The following CEP112 variants were observed in gnomAD, a reference collection of about 807,000 sequenced individuals.
The protein encoded by CEP112 is centrosomal protein of 112 kDa.
Under a neutral mutation model 153.0 loss-of-function variants are expected in CEP112, and 127 were observed. The ratio of observed to expected loss-of-function variants is 0.83; its 90% CI spans 0.72 to 0.96. CEP112 has a LOEUF of 0.96. Among genes scored for constraint, CEP112 ranks in the 40% least tolerant of loss-of-function variants. The pLI is 0.00. For missense variants in CEP112, 1,089 were observed against 1,101.2 expected (o/e 0.99, Z 0.16); for synonymous variants, 358 against 374.4 (o/e 0.96, Z 0.51).
intron 17 of CEP112, among the ~76,000 whole-genome samples, chr17:65,969,601 A>C (rs1371774747): frequency 6.6e-6 from 1 of 152,204 alleles, no homozygotes. Flanking sequence ...TGCATGCACG[A>C]ATATTACATG....
At chr17:65,836,573 A>G (rs909482615) in intron 21 of CEP112, among the ~76,000 whole-genome samples, 6 of 152,196 alleles carry the variant, frequency 3.9e-5, no homozygotes, top group African/African-American at 1.4e-4. Context: ...ATACAGAAAG[A>G]TAATATAATA....
intron 20 of CEP112, among the ~76,000 whole-genome samples, chr17:65,872,113 T>C (rs1398351335): frequency 6.6e-6 from 1 of 152,216 alleles, no homozygotes; most frequent in African/African-American, 2.4e-5. Flanking sequence ...GGTAATATTA[T>C]TTGCCTCTGG....
At chr17:66,159,019 T>C (rs1023986912) in intron 4 of CEP112, among the ~76,000 whole-genome samples, 1 of 152,060 alleles carries the variant, frequency 6.6e-6, no homozygotes, top group Non-Finnish European at 1.5e-5. Flanking sequence ...AAAGGGGATA[T>C]CACCACTGAT....
At position 66,053,730 on chromosome 17, in the gene CEP112, A is replaced by G. The variant is rs767464840; in HGVS notation, c.1218+6T>C. On this transcript the variant is annotated splice_donor_region_variant and intron_variant, in intron 12 of 26. Transcript: ENST00000535342. The stretch of plus-strand genomic sequence containing the variant: ...TAAGATGTCAAGAACAGGTTTAAAG[A>G]CTCACTGTGGACTGTGTTTGCGCCA... 1 of 1,608,688 alleles carries G rather than the reference A, an allele frequency of 6.2e-7. No individual in the cohort carries two copies.
intron 21 of CEP112, among the ~76,000 whole-genome samples, chr17:65,809,979 G>C (rs2055849110): frequency 6.6e-6 from 1 of 152,274 alleles, no homozygotes; most frequent in South Asian, 2.1e-4. Flanking sequence ...TATCAGAGAA[G>C]GAGTGATCAA....
At chr17:65,690,586 G>A (rs1403234061) in intron 23 of CEP112, among the ~76,000 whole-genome samples, 1 of 152,086 alleles carries the variant, frequency 6.6e-6, no homozygotes, top group Non-Finnish European at 1.5e-5. Context: ...GTGAGGAAGA[G>A]GGGATTGAGA....
intron 4 of CEP112, among the ~76,000 whole-genome samples, chr17:66,174,050 T>C (rs1372326955): frequency 2.6e-5 from 4 of 152,174 alleles, no homozygotes; most frequent in Non-Finnish European, 5.9e-5. Flanking sequence ...TGCCTCAGCC[T>C]CCTGAGTAGC....
chr17:65,869,579 CTTT>C (rs55675305), intron 20 of CEP112, among the ~76,000 whole-genome samples: 32 of 120,230 alleles, frequency 2.7e-4, no homozygotes, highest in African/African-American at 3.7e-4. Context: ...GATAAACTTT[CTTT>C]TTTTTTTTTT....
At chr17:65,684,515 G>A (rs767746882) in intron 24 of CEP112, among the ~76,000 whole-genome samples, 1 of 152,126 alleles carries the variant, frequency 6.6e-6, no homozygotes, top group Non-Finnish European at 1.5e-5. Flanking sequence ...ACAGTGTTAA[G>A]AATAACAAGA....
intron 12 of CEP112, among the ~76,000 whole-genome samples, chr17:66,044,199 AATG>A (rs924890167): frequency 7.2e-5 from 11 of 152,014 alleles, no homozygotes; most frequent in African/African-American, 2.2e-4. Flanking sequence ...TTCCATTGTG[AATG>A]ATATTTCTCT....
chr17:65,971,574 TG>T (rs978980066), intron 17 of CEP112, among the ~76,000 whole-genome samples: 2 of 152,190 alleles, frequency 1.3e-5, no homozygotes, highest in Admixed American at 6.5e-5. Flanking sequence ...TGTATGTATA[TG>T]GCATGTATAT....
chr17:65,870,574 CTGAA>C (rs1357652914), intron 20 of CEP112, among the ~76,000 whole-genome samples: 1 of 152,164 alleles, frequency 6.6e-6, no homozygotes, highest in Non-Finnish European at 1.5e-5. Context: ...TTGAGACTGA[CTGAA>C]TGACACTGAA....
At chr17:65,972,130 T>C (rs898355261) in intron 17 of CEP112, among the ~76,000 whole-genome samples, 2 of 152,184 alleles carry the variant, frequency 1.3e-5, no homozygotes, top group East Asian at 3.8e-4. Flanking sequence ...TGGAACATTA[T>C]CAACATAGAC....
chr17:65,686,122 T>G (rs1253046490), intron 24 of CEP112, among the ~76,000 whole-genome samples: 1 of 150,446 alleles, frequency 6.6e-6, no homozygotes, highest in Non-Finnish European at 1.5e-5. Context: ...GCTTTTTTTT[T>G]TTTTTTTTTT....
chr17:66,111,899 A>T (rs537631306), intron 6 of CEP112, among the ~76,000 whole-genome samples: 4 of 152,326 alleles, frequency 2.6e-5, no homozygotes, highest in Non-Finnish European at 5.9e-5. Context: ...AACTTCTCCA[A>T]AAAATACATC....
chr17:66,133,794 T>C (rs371359541), intron 4 of CEP112, among the ~76,000 whole-genome samples: 1 of 152,206 alleles, frequency 6.6e-6, no homozygotes, highest in South Asian at 2.1e-4. Flanking sequence ...ACACGAAGTA[T>C]TTCTAAAAGA....
chr17:65,946,641 C>A (rs1352259796), intron 18 of CEP112, among the ~76,000 whole-genome samples: 1 of 152,218 alleles, frequency 6.6e-6, no homozygotes, highest in Non-Finnish European at 1.5e-5. Flanking sequence ...CTTCACTTTG[C>A]ATTTCATGTA....
chr17:66,117,611 A>C (rs2069361526), intron 6 of CEP112, among the ~76,000 whole-genome samples: 1 of 152,230 alleles, frequency 6.6e-6, no homozygotes, highest in South Asian at 2.1e-4. Flanking sequence ...GTCTCTGCAA[A>C]GATTATTTGA....
In CEP112 at chr17:65,892,773, T is replaced by C. The variant is rs117599860; in HGVS notation, c.2163+9379A>G. On this transcript the variant is annotated intron_variant, in intron 20 of 26. Coordinates refer to ENST00000535342, the MANE Select transcript of CEP112 (RefSeq NM_001199165.4). ...TTCAACCCTCACACTCCACTTCTCT[T>C]GTTGTGCCTGTCAATGTCACTATAA... 2.0e-5 allele frequency among the ~76,000 whole-genome samples: 3 copies of C among 152,292 alleles called. No homozygotes were observed. In the East Asian group the frequency reaches 5.8e-4, roughly 29 times the overall value.
Sources: allele counts gnomAD v4.1 joint callset (sites outside exome capture counted in the v4.1 genomes callset), GRCh38; gene constraint gnomAD v4.1.1; transcripts MANE v1.5; gene names NCBI Gene and HGNC (gene_info 2026-07-23, HGNC 2026-07-21).